Variants in FBXL4 observed in about 807,000 individuals in gnomAD.
FBXL4 encodes F-box and leucine rich repeat protein 4.
Under a neutral mutation model 58.9 loss-of-function variants are expected in FBXL4, and 40 were observed. The ratio of observed to expected loss-of-function variants is 0.68; its 90% CI spans 0.53 to 0.88. The LOEUF (loss-of-function observed/expected upper bound fraction) is 0.88, where lower values mean the gene tolerates loss of function less well. Among genes scored for constraint, FBXL4 ranks in the 40% least tolerant of loss-of-function variants. The pLI, the probability that FBXL4 is intolerant of heterozygous loss-of-function variation, is 0.00. For synonymous variants in FBXL4, 263 were observed against 265.5 expected, an observed-to-expected ratio of 0.99 and a Z score of 0.09; for missense variants, 676 against 734.4, an observed-to-expected ratio of 0.92 and a Z score of 0.92.
Position 98,927,003 on chromosome 6 carries a change from T to C in FBXL4, c.-15A>G, listed in dbSNP as rs767080612. 1 of 1,607,876 alleles carries C rather than the reference T, an allele frequency of 6.2e-7. No homozygotes were observed. The highest frequency in any genetic ancestry group is 1.3e-5 in the African/African-American group (1 of 74,812). ...ACCGGTGACATCTAGATGTGAATTA[T>C]GAAGCTTCAAAAGGTCAGGTGTCCT... On this transcript the variant is annotated 5_prime_UTR_variant, in exon 4 of 10. Coordinates refer to ENST00000369244, the MANE Select transcript of FBXL4 (RefSeq NM_001278716.2).
At chr6:98,907,830 TAAC>T (rs1220480633) in intron 5 of FBXL4, among the ~76,000 whole-genome samples, 8 of 152,086 alleles carry the variant, frequency 5.3e-5, no homozygotes, top group African/African-American at 1.9e-4. Flanking sequence ...AAACGCAGAG[TAAC>T]AACAACATGA....
chr6:98,905,378 A>T, intron 6 of FBXL4, 48 bp downstream of exon 6: 4 of 1,601,834 alleles, frequency 2.5e-6, no homozygotes, highest in Non-Finnish European at 3.4e-6. Flanking sequence ...TAATAAGTAT[A>T]ACCTGCTGCT....
intron 7 of FBXL4, among the ~76,000 whole-genome samples, chr6:98,893,038 A>G (rs1582385346): frequency 2.6e-5 from 4 of 152,162 alleles, no homozygotes; most frequent in Admixed American, 2.6e-4. Context: ...AAGCAACAGA[A>G]TAACATTCTT....
rs576746283 is a variant in FBXL4, at chr6:98,931,309, T to C, written c.-191+3453A>G. 3.1e-4 allele frequency among the ~76,000 whole-genome samples: 47 copies of C among 152,374 alleles called. 1 individual carries two copies. In the South Asian group the frequency reaches 9.5e-3, roughly 31 times the overall value. On this transcript the variant is annotated intron_variant, in intron 2 of 9. Coordinates refer to ENST00000369244, the MANE Select transcript of FBXL4 (RefSeq NM_001278716.2). ...TAAGATAATATCAAAAGCAAGACTG[T>C]CATATGGGCAATATTATGTTTAAGC...
In FBXL4 at chr6:98,905,521, A is replaced by G. The variant is rs1771771800; in HGVS notation, c.1008T>C (p.Ser336=). The G allele has an allele frequency of 6.2e-7, 1 of 1,614,092 alleles. No individual in the cohort carries two copies. Among genetic ancestry groups the G allele is most frequent in the African/African-American group, 1.3e-5 (1 of 75,042 alleles). Residue 336 remains serine, a synonymous_variant, in exon 6 of 10, where the codon TCT becomes TCC. Coordinates refer to ENST00000369244, the MANE Select transcript of FBXL4 (RefSeq NM_001278716.2). ...QPYWAKLDDT[S]LEFLQSRCTL... ...TGCAGCGAGACTGTAGAAATTCCAG[A>G]GAAGTGTCATCTAGTTTTGCCCAGT...
At chr6:98,932,240 T>A (rs1173237872) in intron 2 of FBXL4, among the ~76,000 whole-genome samples, 2 of 152,168 alleles carry the variant, frequency 1.3e-5, no homozygotes, top group African/African-American at 4.8e-5. Flanking sequence ...TGTTGCTTAA[T>A]CCAATCACTG....
intron 5 of FBXL4, among the ~76,000 whole-genome samples, chr6:98,913,100 A>G (rs765999471): frequency 6.6e-6 from 1 of 152,212 alleles, no homozygotes; most frequent in Admixed American, 6.5e-5. Context: ...ACAATGGTAA[A>G]GGGATCAATT....
chr6:98,928,961 A>G lies in FBXL4; in HGVS notation c.-190-1139T>C, dbSNP rs78115253. 2.8e-3 allele frequency among the ~76,000 whole-genome samples: 425 copies of G among 152,214 alleles called. 9 individuals are homozygous for G. The highest frequency in any genetic ancestry group is 0.021 in the East Asian group (107 of 5,164). On this transcript the variant is annotated intron_variant, in intron 2 of 9. Transcript: ENST00000369244. ...TGATACCTACTGGCACTGCATTTTT[A>G]TGAGATATATACCTTAGTTCCACTA...
chr6:98,900,577 T>G (rs759089864), intron 6 of FBXL4, among the ~76,000 whole-genome samples: 1 of 152,076 alleles, frequency 6.6e-6, no homozygotes, highest in Non-Finnish European at 1.5e-5. Flanking sequence ...AAACGCAGAC[T>G]TGAAGTATGT....
At position 98,936,839 on chromosome 6, in the gene FBXL4, G is replaced by C. The variant is rs1418879475; in HGVS notation, c.-308-1960C>G. Among the ~76,000 whole-genome samples, 2 of 152,132 alleles carry C rather than the reference G, an allele frequency of 1.3e-5. 1 individual carries two copies. Among genetic ancestry groups the C allele is most frequent in the East Asian group, 3.9e-4 (2 of 5,186 alleles). ...CACCCCTAACCTTCATGTTGTTTGAGGATCAACTGTATTATTTTGTGTCTA... is the reference window on the plus strand; with the variant it reads ...CACCCCTAACCTTCATGTTGTTTGACGATCAACTGTATTATTTTGTGTCTA... On this transcript the variant is annotated intron_variant, in intron 1 of 9. Transcript: ENST00000369244.
chr6:98,929,765 G>C (rs2128407440), intron 2 of FBXL4, among the ~76,000 whole-genome samples: 1 of 152,150 alleles, frequency 6.6e-6, no homozygotes, highest in South Asian at 2.1e-4. Flanking sequence ...CCTTCATAAA[G>C]TCAAAACTCT....
At chr6:98,933,528 C>G (rs1773091533) in intron 2 of FBXL4, among the ~76,000 whole-genome samples, 1 of 152,172 alleles carries the variant, frequency 6.6e-6, no homozygotes, top group South Asian at 2.1e-4. Context: ...AATGCCCCCT[C>G]TCTTCCAATG....
intron 8 of FBXL4, among the ~76,000 whole-genome samples, chr6:98,876,572 G>C (rs928700159): frequency 6.6e-6 from 1 of 152,110 alleles, no homozygotes; most frequent in Non-Finnish European, 1.5e-5. Flanking sequence ...GCTAGGACCA[G>C]CAGTAAACTG....
At chr6:98,920,817 CAT>C (rs997696553) in intron 4 of FBXL4, among the ~76,000 whole-genome samples, 2 of 120,778 alleles carry the variant, frequency 1.7e-5, no homozygotes, top group South Asian at 2.8e-4. Context: ...GGTACACACA[CAT>C]ACACACACAC....
chr6:98,924,348 A>G (rs1430754640), intron 4 of FBXL4, among the ~76,000 whole-genome samples: 3 of 152,118 alleles, frequency 2.0e-5, no homozygotes, highest in African/African-American at 7.2e-5. Flanking sequence ...CCTGAGGTCA[A>G]GAGTTCGAGA....
intron 4 of FBXL4, among the ~76,000 whole-genome samples, chr6:98,921,952 C>G (rs1772599250): frequency 6.6e-6 from 1 of 152,164 alleles, no homozygotes. Flanking sequence ...CTGAGTCTTA[C>G]ATAAGCATCC....
intron 1 of FBXL4, among the ~76,000 whole-genome samples, chr6:98,943,573 C>CTT (rs1253791697): frequency 1.2e-5 from 1 of 83,268 alleles, no homozygotes; most frequent in Non-Finnish European, 2.1e-5. Flanking sequence ...GAGCAAGACT[C>CTT]TGTCTCAAAA....
At chr6:98,890,267 C>T (rs1220315704) in intron 7 of FBXL4, among the ~76,000 whole-genome samples, 4 of 151,942 alleles carry the variant, frequency 2.6e-5, no homozygotes, top group Admixed American at 6.6e-5. Context: ...AACATGATTC[C>T]TAGAAAGCAT....
intron 5 of FBXL4, among the ~76,000 whole-genome samples, chr6:98,906,692 T>C (rs1264915014): frequency 5.3e-5 from 8 of 152,320 alleles, no homozygotes; most frequent in African/African-American, 1.9e-4. Context: ...TACCCAGTAA[T>C]GGGATTGCTG....
Sources: allele counts gnomAD v4.1 joint callset (sites outside exome capture counted in the v4.1 genomes callset), GRCh38; gene constraint gnomAD v4.1.1; transcripts MANE v1.5; gene names NCBI Gene and HGNC (gene_info 2026-07-23, HGNC 2026-07-21).